The following AGGF1 variants were observed in gnomAD, a reference collection of about 807,000 sequenced individuals.
The protein encoded by AGGF1 is angiogenic factor with G-patch and FHA domains 1, also known as angiogenic factor with G patch and FHA domains 1.
A neutral mutation model predicts 86.5 loss-of-function variants in AGGF1; 56 were observed. The observed-to-expected ratio is 0.65, with a 90% confidence interval of 0.52 to 0.81. The LOEUF (loss-of-function observed/expected upper bound fraction) is 0.81, where lower values mean the gene tolerates loss of function less well. AGGF1 is among the 30% of genes least tolerant of loss of function. AGGF1 has a pLI of 0.00. For missense variants in AGGF1, 816 were observed against 850.9 expected (o/e 0.96, Z 0.51); for synonymous variants, 313 against 297.1 (o/e 1.05, Z -0.55).
At chr5:77,037,312 A>G (rs1308356585) in intron 4 of AGGF1, among the ~76,000 whole-genome samples, 1 of 152,242 alleles carries the variant, frequency 6.6e-6, no homozygotes, top group African/African-American at 2.4e-5. Context: ...CATAGAATTA[A>G]TAGAGAAGTG....
rs1719493319 is a variant in AGGF1, at chr5:77,055,541, A to G, written c.1661A>G (p.Lys554Arg). ...FVGPTLSKEE[K>R]ELERRKELKK... ...GGTCCAACACTAAGTAAGGAGGAAA[A>G]AGAGTTGGAAAGAAGAAAAGAATTA... The change falls in exon 11 of 14, where the codon AAA (lysine) becomes AGA (arginine). Residue 554 changes from lysine to arginine, a missense_variant. By Grantham distance (26) the Lys-to-Arg change is conservative (BLOSUM62 2). This residue lies in a region of AGGF1 where 565 missense variants were observed against 585.8 expected (regional missense o/e 0.96). Transcript: ENST00000312916. 6 of 1,604,584 alleles carry G rather than the reference A, an allele frequency of 3.7e-6. No homozygotes were observed. Among genetic ancestry groups the G allele is most frequent in the Non-Finnish European group, 5.1e-6 (6 of 1,172,358 alleles).
chr5:77,042,186 A>G, intron 5 of AGGF1, among the ~76,000 whole-genome samples: 1 of 151,998 alleles, frequency 6.6e-6, no homozygotes, highest in Non-Finnish European at 1.5e-5. Flanking sequence ...GTGCAGAACA[A>G]AATGAAGTCT....
rs141711099 is a variant in AGGF1 at position 77,045,453 on chromosome 5, A to G, written c.871-894A>G. On this transcript the variant is annotated intron_variant, in intron 5 of 13. Coordinates refer to ENST00000312916, the MANE Select transcript of AGGF1 (RefSeq NM_018046.5). Reference sequence around the variant, plus strand: ...TGATAAAAATACATCATTTTTGTTAATTAAAAAATGTTCATTTATTATAAG... The same window carrying G: ...TGATAAAAATACATCATTTTTGTTAGTTAAAAAATGTTCATTTATTATAAG... Among the ~76,000 whole-genome samples the G allele has an allele frequency of 6.1e-3, 899 of 146,326 alleles. 1 individual carries two copies. The highest frequency in any genetic ancestry group is 0.01 in the Non-Finnish European group (672 of 64,850).
chr5:77,049,637 C>A (rs553687670), intron 8 of AGGF1, among the ~76,000 whole-genome samples: 101 of 149,762 alleles, frequency 6.7e-4, no homozygotes, highest in African/African-American at 2.4e-3. Flanking sequence ...GCAGCCTCAT[C>A]TTCCCGGGTT....
intron 6 of AGGF1, among the ~76,000 whole-genome samples, chr5:77,047,554 C>T (rs1034978600): frequency 1.3e-5 from 2 of 152,208 alleles, no homozygotes; most frequent in African/African-American, 4.8e-5. Flanking sequence ...TGCTCTATTG[C>T]CCAGGCTGGA....
At chr5:77,056,144 G>A (rs1747453138) in intron 11 of AGGF1, among the ~76,000 whole-genome samples, 1 of 151,796 alleles carries the variant, frequency 6.6e-6, no homozygotes, top group Non-Finnish European at 1.5e-5. Flanking sequence ...CAAAATAATA[G>A]TCCAGAAGTA....
intron 1 of AGGF1, among the ~76,000 whole-genome samples, chr5:77,031,901 C>G (rs1746861020): frequency 6.6e-6 from 1 of 152,022 alleles, no homozygotes; most frequent in South Asian, 2.1e-4. Context: ...GCAACTCTGT[C>G]TCAAAATAAA....
chr5:77,058,359 A>C (rs1747493826), intron 11 of AGGF1, among the ~76,000 whole-genome samples: 1 of 152,208 alleles, frequency 6.6e-6, no homozygotes, highest in Non-Finnish European at 1.5e-5. Flanking sequence ...CTAGGTCTTA[A>C]GTATATTTGT....
intron 11 of AGGF1, among the ~76,000 whole-genome samples, chr5:77,056,698 T>C (rs904610442): frequency 6.6e-6 from 1 of 150,800 alleles, no homozygotes; most frequent in Non-Finnish European, 1.5e-5. Flanking sequence ...TTCTAGAAAC[T>C]TTTTTTTTAA....
chr5:77,030,763 G>A lies in AGGF1; in HGVS notation c.-4G>A. 6.4e-7 allele frequency: 1 copy of A among 1,568,126 alleles called. No homozygotes were observed. The highest frequency in any genetic ancestry group is 8.6e-7 in the Non-Finnish European group (1 of 1,163,482). On this transcript the variant is annotated 5_prime_UTR_variant, in exon 1 of 14. Coordinates refer to ENST00000312916, the MANE Select transcript of AGGF1 (RefSeq NM_018046.5). ...CGGCGACGAGCAGTCTCGCGCCGGA[G>A]CTCATGGCCTCGGAGGCGCCGTCCC...
At chr5:77,049,240 A>G (rs1747327545) in intron 8 of AGGF1, among the ~76,000 whole-genome samples, 1 of 152,212 alleles carries the variant, frequency 6.6e-6, no homozygotes, top group African/African-American at 2.4e-5. Context: ...GTCTTAAAGT[A>G]GTACCCACTT....
At chr5:77,038,657 T>A (rs1486867869) in intron 4 of AGGF1, among the ~76,000 whole-genome samples, 1 of 152,156 alleles carries the variant, frequency 6.6e-6, no homozygotes, top group African/African-American at 2.4e-5. Context: ...TTAAAGACAA[T>A]AAATTGCAAG....
At chr5:77,062,340 A>G (rs2150736235) in intron 13 of AGGF1, among the ~76,000 whole-genome samples, 1 of 152,356 alleles carries the variant, frequency 6.6e-6, no homozygotes, top group Middle Eastern at 3.4e-3. Context: ...TAGTACCTAA[A>G]GAAATAATAG....
intron 8 of AGGF1, among the ~76,000 whole-genome samples, chr5:77,052,314 C>G (rs965844080): frequency 5.3e-5 from 8 of 151,930 alleles, no homozygotes; most frequent in African/African-American, 1.9e-4. Context: ...GATCACACCA[C>G]TGCACTGTAG....
At chr5:77,033,960 T>C (rs1001571352) in intron 1 of AGGF1, among the ~76,000 whole-genome samples, 1 of 152,224 alleles carries the variant, frequency 6.6e-6, no homozygotes, top group African/African-American at 2.4e-5. Context: ...TACTTAATTA[T>C]AGGACTACTG....
chr5:77,036,768 C>T (rs754136892), intron 4 of AGGF1, 48 bp downstream of exon 4: 1 of 1,594,608 alleles, frequency 6.3e-7, no homozygotes, highest in Non-Finnish European at 8.6e-7. Context: ...GAGACAGTCT[C>T]CCTCTGTCAC....
chr5:77,039,422 A>G (rs1199597593), intron 4 of AGGF1, 109 bp from the exon 5 acceptor site: 2 of 842,268 alleles, frequency 2.4e-6, no homozygotes, highest in Admixed American at 2.8e-5. Flanking sequence ...TTCTGAAAAT[A>G]CTATAGTTGT....
At chr5:77,043,591 C>CT in intron 5 of AGGF1, among the ~76,000 whole-genome samples, 2 of 126,770 alleles carry the variant, frequency 1.6e-5, no homozygotes, top group African/African-American at 5.4e-5. Context: ...GGGCTGACCC[C>CT]CCCCCCCCCG....
At chr5:77,055,075 C>T (rs1001332747) in intron 10 of AGGF1, among the ~76,000 whole-genome samples, 2 of 152,118 alleles carry the variant, frequency 1.3e-5, no homozygotes, top group African/African-American at 4.8e-5. Context: ...GCCAAGTTTG[C>T]ATGTTCATTG....
Sources: allele counts gnomAD v4.1 joint callset (sites outside exome capture counted in the v4.1 genomes callset), GRCh38; gene constraint gnomAD v4.1.1; regional missense constraint gnomAD v4.1.1; transcripts MANE v1.5; gene names NCBI Gene and HGNC (gene_info 2026-07-23, HGNC 2026-07-21).